LRRTM4: variants seen among roughly 807,000 people sequenced by gnomAD.
LRRTM4 encodes leucine-rich repeat transmembrane neuronal protein 4.
Under a neutral mutation model 47.6 loss-of-function variants are expected in LRRTM4, and 25 were observed. The observed-to-expected ratio is 0.53, with a 90% CI of 0.38 to 0.73. The LOEUF (loss-of-function observed/expected upper bound fraction) is 0.73, where lower values mean the gene tolerates loss of function less well. Ranked by LOEUF, LRRTM4 falls within the 30% of genes least tolerant of loss-of-function variation. The pLI is 0.00. For missense variants in LRRTM4, 638 were observed against 713.4 expected (o/e 0.89, Z 1.20); for synonymous variants, 311 against 269.5 (o/e 1.15, Z -1.51).
At chr2:77,438,633 C>A (rs1675708665) in intron 3 of LRRTM4, among the ~76,000 whole-genome samples, 1 of 152,072 alleles carries the variant, frequency 6.6e-6, no homozygotes. Flanking sequence ...GTCTCGATCT[C>A]CTGACCTCGT....
chr2:77,137,372 C>T (rs1045037009), intron 3 of LRRTM4, among the ~76,000 whole-genome samples: 1 of 151,874 alleles, frequency 6.6e-6, no homozygotes, highest in African/African-American at 2.4e-5. Flanking sequence ...TCCAGCCAAA[C>T]TAAGCTTCGT....
At chr2:77,124,093 A>G (rs78502960) in intron 3 of LRRTM4, among the ~76,000 whole-genome samples, 2 of 152,074 alleles carry the variant, frequency 1.3e-5, no homozygotes, top group African/African-American at 4.8e-5. Context: ...AGCCTTGGGG[A>G]TGTCTAACTT....
chr2:77,460,082 C>A (rs1420453202), intron 3 of LRRTM4, among the ~76,000 whole-genome samples: 1 of 152,000 alleles, frequency 6.6e-6, no homozygotes, highest in Non-Finnish European at 1.5e-5. Flanking sequence ...ACCACGGATA[C>A]CCAGAGGAAT....
chr2:77,036,117 G>C (rs1343055592), intron 3 of LRRTM4, among the ~76,000 whole-genome samples: 3 of 151,750 alleles, frequency 2.0e-5, no homozygotes, highest in Admixed American at 6.6e-5. Context: ...TGGTTTACCT[G>C]CTTGCAGACA....
chr2:77,446,641 G>C (rs1403250073), intron 3 of LRRTM4, among the ~76,000 whole-genome samples: 2 of 151,952 alleles, frequency 1.3e-5, no homozygotes, highest in Non-Finnish European at 2.9e-5. Flanking sequence ...CAGCCACACT[G>C]TCTTCCTCTC....
intron 3 of LRRTM4, among the ~76,000 whole-genome samples, chr2:77,058,794 C>A (rs1353381345): frequency 2.0e-5 from 3 of 152,016 alleles, no homozygotes; most frequent in Non-Finnish European, 4.4e-5. Flanking sequence ...TTCAAACAAT[C>A]TTATTTATTT....
chr2:76,809,102 G>C (rs1337024631), intron 3 of LRRTM4, among the ~76,000 whole-genome samples: 1 of 151,670 alleles, frequency 6.6e-6, no homozygotes, highest in African/African-American at 2.4e-5. Context: ...CATGTTTATA[G>C]TATAAAAAAA....
In LRRTM4 at chr2:77,018,836, C is replaced by G. The variant is rs186990135; in HGVS notation, c.1552-269920G>C. Among the ~76,000 whole-genome samples the G allele has an allele frequency of 1.8e-3, 269 of 152,112 alleles. 1 individual carries two copies. Among genetic ancestry groups the G allele is most frequent in the Non-Finnish European group, 3.0e-3 (203 of 67,990 alleles). On this transcript the variant is annotated intron_variant, in intron 3 of 3. Transcript: ENST00000409884. ...ATTGGTATGTCACATTATTATTCTT[C>G]TTTCATGAAAGCAAGTTCTAATGAA...
At chr2:76,844,692 T>C (rs1392243009) in intron 3 of LRRTM4, among the ~76,000 whole-genome samples, 4 of 152,174 alleles carry the variant, frequency 2.6e-5, no homozygotes, top group Non-Finnish European at 4.4e-5. Context: ...TACTTTCTAT[T>C]GACAATTATG....
chr2:77,406,875 A>C (rs73942708), intron 3 of LRRTM4, among the ~76,000 whole-genome samples: 4,425 of 152,200 alleles, frequency 0.029, 212 homozygotes, highest in African/African-American at 0.1. Flanking sequence ...AAATATGACC[A>C]CAAAAAAATA....
chr2:77,456,915 T>C (rs1253651339), intron 3 of LRRTM4, among the ~76,000 whole-genome samples: 1 of 148,170 alleles, frequency 6.7e-6, no homozygotes, highest in Non-Finnish European at 1.5e-5. Context: ...ATATATTATA[T>C]ATGAATCTAT....
At chr2:76,955,917 G>C (rs1000863108) in intron 3 of LRRTM4, among the ~76,000 whole-genome samples, 2 of 151,562 alleles carry the variant, frequency 1.3e-5, no homozygotes, top group African/African-American at 4.8e-5. Context: ...AACTGACAAA[G>C]ATGGACAGCA....
At chr2:77,270,323 C>T (rs1260022472) in intron 3 of LRRTM4, among the ~76,000 whole-genome samples, 1 of 152,074 alleles carries the variant, frequency 6.6e-6, no homozygotes, top group Non-Finnish European at 1.5e-5. Context: ...AAATTGTATC[C>T]TCTTGCCCTT....
intron 3 of LRRTM4, among the ~76,000 whole-genome samples, chr2:77,187,254 T>C (rs140873039): frequency 1.1e-3 from 172 of 152,262 alleles, no homozygotes; most frequent in African/African-American, 4.0e-3. Flanking sequence ...TGAGCATGTG[T>C]TGAACCTCGA....
At chr2:77,265,193 G>A (rs868838097) in intron 3 of LRRTM4, among the ~76,000 whole-genome samples, 18 of 152,174 alleles carry the variant, frequency 1.2e-4, no homozygotes, top group African/African-American at 4.1e-4. Flanking sequence ...CATATTTTCA[G>A]TTGTATTTTA....
chr2:76,972,204 C>CCA (rs1676242987), intron 3 of LRRTM4, among the ~76,000 whole-genome samples: 1 of 151,848 alleles, frequency 6.6e-6, no homozygotes, highest in Admixed American at 6.6e-5. Flanking sequence ...TCAAATCTAC[C>CCA]CATCCAATTA....
At chr2:77,136,420 A>G (rs566695071) in intron 3 of LRRTM4, among the ~76,000 whole-genome samples, 14 of 152,228 alleles carry the variant, frequency 9.2e-5, no homozygotes, top group Non-Finnish European at 1.5e-4. Context: ...GAGGGTCATG[A>G]CTGTTAGAAG....
intron 3 of LRRTM4, among the ~76,000 whole-genome samples, chr2:76,968,578 C>A (rs1676116249): frequency 6.6e-6 from 1 of 151,174 alleles, no homozygotes; most frequent in South Asian, 2.1e-4. Context: ...TTTCTTTAAT[C>A]CACTGCTCAT....
intron 3 of LRRTM4, among the ~76,000 whole-genome samples, chr2:77,076,369 C>T (rs929631481): frequency 6.6e-6 from 1 of 152,100 alleles, no homozygotes; most frequent in Admixed American, 6.5e-5. Context: ...AAATGAGTCC[C>T]TAATGGAATG....
Sources: allele counts gnomAD v4.1 joint callset (sites outside exome capture counted in the v4.1 genomes callset), GRCh38; gene constraint gnomAD v4.1.1; transcripts MANE v1.5; gene names NCBI Gene and HGNC (gene_info 2026-07-23, HGNC 2026-07-21).